The following LAMA4 variants were observed in gnomAD, a reference collection of about 807,000 sequenced individuals.
The protein encoded by LAMA4 is laminin subunit alpha-4.
A neutral mutation model predicts 207.1 loss-of-function variants in LAMA4; 127 were observed. The observed-to-expected ratio is 0.61, with a 90% CI of 0.53 to 0.71. LAMA4 has a LOEUF of 0.71. LAMA4 is among the 30% of genes least tolerant of loss of function. The pLI, the probability that LAMA4 is intolerant of heterozygous loss-of-function variation, is 0.00. For synonymous variants in LAMA4, 761 were observed against 816.0 expected (o/e 0.93, Z 1.15); for missense variants, 2,093 against 2,246.5 (o/e 0.93, Z 1.38).
intron 2 of LAMA4, among the ~76,000 whole-genome samples, chr6:112,217,168 G>A (rs1394039598): frequency 6.6e-6 from 1 of 152,264 alleles, no homozygotes; most frequent in South Asian, 2.1e-4. Flanking sequence ...TTTTGGGGAT[G>A]TTAAACTATC....
Position 112,109,716 on chromosome 6 carries a change from T to G in LAMA4, c.5327-134A>C, listed in dbSNP as rs1236341786. The G allele has an allele frequency of 1.5e-5, 14 of 924,172 alleles. No individual in the cohort carries two copies. In the East Asian group the frequency reaches 2.4e-4, roughly 16 times the overall value. 57.2% of individuals were successfully genotyped at this position (924,172 alleles called of 1,614,324 possible). On this transcript the variant is annotated intron_variant, in intron 38 of 38. Coordinates refer to ENST00000230538, the MANE Select transcript of LAMA4 (RefSeq NM_001105206.3). The stretch of plus-strand genomic sequence containing the variant: ...ACATTTCAAAAATAGAACATAGTTA[T>G]AATTGACTCATTTCTCAGTAACATT...
intron 16 of LAMA4, among the ~76,000 whole-genome samples, chr6:112,150,909 A>T (rs1780361080): frequency 6.6e-6 from 1 of 152,214 alleles, no homozygotes; most frequent in Non-Finnish European, 1.5e-5. Context: ...AATAACACCA[A>T]GCAGCACAAT....
intron 37 of LAMA4, 107 bp downstream of exon 37, chr6:112,114,556 T>A: frequency 1.2e-6 from 1 of 801,456 alleles, no homozygotes; most frequent in Non-Finnish European, 2.2e-6. Context: ...CTTGGATACT[T>A]TTAGACTGTC....
intron 9 of LAMA4, among the ~76,000 whole-genome samples, chr6:112,181,597 A>T (rs1554345280): frequency 6.6e-6 from 1 of 151,984 alleles, no homozygotes; most frequent in Non-Finnish European, 1.5e-5. Context: ...ACAGGCCAAT[A>T]CTCACCTTCT....
chr6:112,156,981 C>T (rs940230688), intron 14 of LAMA4, among the ~76,000 whole-genome samples: 1 of 151,822 alleles, frequency 6.6e-6, no homozygotes, highest in South Asian at 2.1e-4. Flanking sequence ...TGGTATTAAT[C>T]TTTATACCAA....
intron 2 of LAMA4, among the ~76,000 whole-genome samples, chr6:112,226,784 CAAGTG>C (rs1418670500): frequency 1.3e-5 from 2 of 152,192 alleles, no homozygotes; most frequent in Admixed American, 6.5e-5. Context: ...GCAAATTTCA[CAAGTG>C]AAGATATCTC....
intron 19 of LAMA4, among the ~76,000 whole-genome samples, chr6:112,143,594 C>T (rs756088287): frequency 3.3e-5 from 5 of 152,138 alleles, no homozygotes; most frequent in Non-Finnish European, 4.4e-5. Flanking sequence ...AAGACCAATA[C>T]ATCTTAATAA....
At chr6:112,199,667 C>T (rs1288613641) in intron 5 of LAMA4, among the ~76,000 whole-genome samples, 1 of 152,066 alleles carries the variant, frequency 6.6e-6, no homozygotes, top group Non-Finnish European at 1.5e-5. Context: ...AAAAAATCCA[C>T]AATCCTTTAG....
chr6:112,133,158 G>A (rs1003456206), intron 27 of LAMA4, among the ~76,000 whole-genome samples, 191 bp downstream of exon 27: 1 of 152,114 alleles, frequency 6.6e-6, no homozygotes, highest in African/African-American at 2.4e-5. Flanking sequence ...GAAAACTGAA[G>A]CAAACGAACA....
intron 12 of LAMA4, among the ~76,000 whole-genome samples, chr6:112,170,981 G>GT (rs1233692245): frequency 6.6e-6 from 1 of 152,212 alleles, no homozygotes; most frequent in African/African-American, 2.4e-5. Flanking sequence ...GCAGAGAACA[G>GT]TAAGAGGTGA....
At chr6:112,215,667 C>T (rs1427704776) in intron 3 of LAMA4, among the ~76,000 whole-genome samples, 5 of 152,308 alleles carry the variant, frequency 3.3e-5, no homozygotes, top group Admixed American at 3.3e-4. Flanking sequence ...AATATTTCAA[C>T]ACCCATTTTC....
intron 3 of LAMA4, among the ~76,000 whole-genome samples, chr6:112,209,726 C>CA (rs1562736345): frequency 6.6e-6 from 1 of 152,164 alleles, no homozygotes; most frequent in East Asian, 1.9e-4. Context: ...TTTGAGATTG[C>CA]AAAATGTCTT....
chr6:112,114,209 C>CAA lies in LAMA4; in HGVS notation c.5207-16_5207-15dup. ...AATCTCTAATAACTGAAATGCAGGGCAAAGACTGGTCATAAGTGGCACTGG... is the reference window on the plus strand; with the variant it reads ...AATCTCTAATAACTGAAATGCAGGGCAAAAAGACTGGTCATAAGTGGCACTGG... On this transcript the variant is annotated splice_polypyrimidine_tract_variant and intron_variant, in intron 37 of 38. Coordinates refer to ENST00000230538, the MANE Select transcript of LAMA4 (RefSeq NM_001105206.3). 1 of 1,613,190 alleles carries CAA rather than the reference C, an allele frequency of 6.2e-7. No individual in the cohort carries two copies. The highest frequency in any genetic ancestry group is 8.5e-7 in the Non-Finnish European group (1 of 1,179,488).
Position 112,172,720 on chromosome 6 carries a change from T to C in LAMA4, c.1442A>G (p.Tyr481Cys). The change falls in exon 12 of 39, where the codon TAC becomes TGC. Residue 481 changes from tyrosine to cysteine, a missense_variant. Transcript: ENST00000230538. ...CTGGAGATCTGACAACTTAGCATTG[T>C]AGTCATCCAGCTGCTCCAGGACGAC... ...FPVVLEQLDDYNAKLSDLQEA... is the reference protein window; with the variant it reads ...FPVVLEQLDDCNAKLSDLQEA... 3 of 1,613,910 alleles carry C rather than the reference T, an allele frequency of 1.9e-6. No individual in the cohort carries two copies. Among genetic ancestry groups the C allele is most frequent in the Non-Finnish European group, 2.5e-6 (3 of 1,179,878 alleles).
At chr6:112,182,113 T>C (rs913171374) in intron 9 of LAMA4, among the ~76,000 whole-genome samples, 3 of 150,760 alleles carry the variant, frequency 2.0e-5, no homozygotes, top group Non-Finnish European at 4.4e-5. Flanking sequence ...AATAAATAAA[T>C]AAATAAATAA....
chr6:112,185,112 G>A lies in LAMA4; in HGVS notation c.1077+125C>T, dbSNP rs1200796573. The A allele has an allele frequency of 2.1e-5, 16 of 757,550 alleles. No homozygotes were observed. The Admixed American group carries it at 2.8e-4, about 13-fold the overall frequency. 46.9% of individuals were successfully genotyped at this position (757,550 alleles called of 1,614,324 possible). ...AGGTCTGGTCTTGATTTATTTTAAG[G>A]CACATGGGTCACTGCATTTTTTCTG... On this transcript the variant is annotated intron_variant, in intron 9 of 38. Coordinates refer to ENST00000230538, the MANE Select transcript of LAMA4 (RefSeq NM_001105206.3).
rs782641588 is a variant in LAMA4, at chr6:112,158,883, A to G, written c.1669-3T>C. Reference sequence around the variant, plus strand: ...TCTGCATAAATCCCTGACGCATTCTAAAGAAAAAAATTTTAATAAATACAT... The same window carrying G: ...TCTGCATAAATCCCTGACGCATTCTGAAGAAAAAAATTTTAATAAATACAT... On this transcript the variant is annotated splice_polypyrimidine_tract_variant and splice_region_variant and intron_variant, in intron 13 of 38. Transcript: ENST00000230538. 1.2e-6 allele frequency: 2 copies of G among 1,602,360 alleles called. No homozygotes were observed. Among genetic ancestry groups the G allele is most frequent in the Non-Finnish European group, 8.5e-7 (1 of 1,169,938 alleles).
At chr6:112,129,100 T>A in intron 30 of LAMA4, 25 bp from the exon 31 acceptor site, 1 of 1,585,790 alleles carries the variant, frequency 6.3e-7, no homozygotes, top group Non-Finnish European at 8.7e-7. Context: ...GAGGAAAAAA[T>A]AAATATTAAA....
At position 112,150,151 on chromosome 6, in the gene LAMA4, T is replaced by G. The variant is rs782770405; in HGVS notation, c.2173+360A>C. On this transcript the variant is annotated intron_variant, in intron 17 of 38. Coordinates refer to ENST00000230538, the MANE Select transcript of LAMA4 (RefSeq NM_001105206.3). ...GGGCATATTGTTATGAGGAAGGATG[T>G]TCATAAGAAAGCCATTACCAAACAC... Among the ~76,000 whole-genome samples the G allele has an allele frequency of 7.9e-5, 12 of 151,602 alleles. No individual in the cohort carries two copies. In the Middle Eastern group the frequency reaches 0.01, roughly 130 times the overall value.
Sources: allele counts gnomAD v4.1 joint callset (sites outside exome capture counted in the v4.1 genomes callset), GRCh38; gene constraint gnomAD v4.1.1; transcripts MANE v1.5; gene names NCBI Gene and HGNC (gene_info 2026-07-23, HGNC 2026-07-21).